GALNT13: variants seen among roughly 807,000 people sequenced by gnomAD.
GALNT13 encodes polypeptide N-acetylgalactosaminyltransferase 13.
A neutral mutation model predicts 64.2 loss-of-function variants in GALNT13; 28 were observed. The ratio of observed to expected loss-of-function variants is 0.44; its 90% confidence interval spans 0.32 to 0.60. The LOEUF is 0.60. Ranked by LOEUF, GALNT13 falls within the 20% of genes least tolerant of loss-of-function variation. The probability of loss-of-function intolerance (pLI) is 0.05; values close to 1 mark genes in which losing one functional copy is unlikely to be tolerated. For synonymous variants in GALNT13, 214 were observed against 224.6 expected, an observed-to-expected ratio of 0.95 and a Z score of 0.42; for missense variants, 577 against 669.8, an observed-to-expected ratio of 0.86 and a Z score of 1.53.
chr2:153,523,137 C>G, the GALNT13 span, among the ~76,000 whole-genome samples: 1 of 137,548 alleles, frequency 7.3e-6, no homozygotes, highest in African/African-American at 2.8e-5. Context: ...GTTGGCTTTG[C>G]TCCTTTGTCA....
intron 11 of GALNT13, among the ~76,000 whole-genome samples, chr2:154,417,478 C>A (rs1474204956): frequency 2.3e-5 from 2 of 87,260 alleles, no homozygotes; most frequent in Admixed American, 1.3e-4. Context: ...TTTGCCATGA[C>A]CTTGCCATGC....
the GALNT13 span, among the ~76,000 whole-genome samples, chr2:153,123,571 C>A: frequency 6.6e-6 from 1 of 152,116 alleles, no homozygotes; most frequent in East Asian, 1.9e-4. Flanking sequence ...ACTTTTGAGA[C>A]AGGAATAAAC....
the GALNT13 span, among the ~76,000 whole-genome samples, chr2:153,362,473 C>T: frequency 1.5e-4 from 21 of 142,752 alleles, no homozygotes; most frequent in South Asian, 4.7e-4. Context: ...GTACTATTTT[C>T]GGGAGACACA....
At chr2:153,707,849 G>T in the GALNT13 span, among the ~76,000 whole-genome samples, 40 of 152,110 alleles carry the variant, frequency 2.6e-4, no homozygotes, top group Admixed American at 2.6e-3. Context: ...ATCACACTGA[G>T]GTTATTGATC....
intron 8 of GALNT13, among the ~76,000 whole-genome samples, chr2:154,299,948 T>C (rs553384822): frequency 6.6e-6 from 1 of 152,088 alleles, no homozygotes; most frequent in South Asian, 2.1e-4. Context: ...CCATTATTGA[T>C]TATTATGACT....
the GALNT13 span, among the ~76,000 whole-genome samples, chr2:153,302,945 T>C: frequency 2.0e-5 from 3 of 152,340 alleles, no homozygotes; most frequent in Admixed American, 2.0e-4. Flanking sequence ...TTGATTACTA[T>C]AGCTTTGTAG....
chr2:153,802,749 T>C, the GALNT13 span, among the ~76,000 whole-genome samples: 1 of 152,236 alleles, frequency 6.6e-6, no homozygotes, highest in Non-Finnish European at 1.5e-5. Flanking sequence ...CAAATTTGTA[T>C]TCCAAGGCAA....
chr2:153,594,351 T>C, the GALNT13 span, among the ~76,000 whole-genome samples: 4 of 152,158 alleles, frequency 2.6e-5, no homozygotes, highest in Non-Finnish European at 5.9e-5. Flanking sequence ...TTATCATTTA[T>C]ATAACATTTG....
the GALNT13 span, among the ~76,000 whole-genome samples, chr2:153,218,897 G>C: frequency 6.6e-6 from 1 of 152,004 alleles, no homozygotes. Flanking sequence ...TGTGACCCTA[G>C]TTCTCTGATT....
chr2:153,201,190 A>G, the GALNT13 span, among the ~76,000 whole-genome samples: 27,231 of 152,168 alleles, frequency 0.18, 2,534 homozygotes, highest in Non-Finnish European at 0.19. Flanking sequence ...TATTGTTCTC[A>G]GCAGAGTTTT....
intron 2 of GALNT13, among the ~76,000 whole-genome samples, chr2:153,931,446 G>C (rs1006664318): frequency 1.2e-4 from 18 of 151,858 alleles, no homozygotes; most frequent in Admixed American, 1.1e-3. Context: ...AACGTTTCCA[G>C]CTTTTGCCTA....
the GALNT13 span, among the ~76,000 whole-genome samples, chr2:153,441,298 T>C: frequency 3.2e-3 from 489 of 152,300 alleles, no homozygotes; most frequent in African/African-American, 0.011. Flanking sequence ...TTATGTTCCA[T>C]TGGTCTATAT....
the GALNT13 span, among the ~76,000 whole-genome samples, chr2:153,691,028 T>C: frequency 2.6e-5 from 4 of 152,116 alleles, no homozygotes; most frequent in Admixed American, 2.6e-4. Flanking sequence ...CTTACTGCAC[T>C]TGTAAACCAG....
the GALNT13 span, among the ~76,000 whole-genome samples, chr2:153,457,229 T>C: frequency 1.3e-5 from 2 of 152,200 alleles, no homozygotes; most frequent in Non-Finnish European, 2.9e-5. Context: ...GTGTTTTATG[T>C]GGAGGTAATT....
chr2:154,363,087 A>T (rs1434623119), intron 9 of GALNT13, among the ~76,000 whole-genome samples: 1 of 152,022 alleles, frequency 6.6e-6, no homozygotes, highest in Non-Finnish European at 1.5e-5. Context: ...TTCTCACCTG[A>T]TTCTACTGAT....
At chr2:154,282,018 CAG>C (rs1319840894) in intron 8 of GALNT13, among the ~76,000 whole-genome samples, 7 of 152,082 alleles carry the variant, frequency 4.6e-5, no homozygotes, top group Non-Finnish European at 8.8e-5. Context: ...TAAATTAAGA[CAG>C]AAAGTACTTG....
intron 7 of GALNT13, among the ~76,000 whole-genome samples, chr2:154,253,778 T>C (rs1690217702): frequency 6.6e-6 from 1 of 152,224 alleles, no homozygotes; most frequent in Non-Finnish European, 1.5e-5. Flanking sequence ...ATTTCAGAAA[T>C]AAAATTGCAG....
rs113951459 is a variant in GALNT13, at chr2:154,116,915, G to A, written c.143-23422G>A. On this transcript the variant is annotated intron_variant, in intron 3 of 12. Transcript: ENST00000392825. Reference sequence around the variant, plus strand: ...GATAGTTAGATAGATATAAAGGGGAGTTTATTACGTATTCACTCACACACT... The same window carrying A: ...GATAGTTAGATAGATATAAAGGGGAATTTATTACGTATTCACTCACACACT... Among the ~76,000 whole-genome samples, 9 of 152,256 alleles carry A rather than the reference G, an allele frequency of 5.9e-5. 1 individual carries two copies. The highest frequency in any genetic ancestry group is 2.2e-4 in the African/African-American group (9 of 41,544).
At chr2:153,614,883 A>G in the GALNT13 span, among the ~76,000 whole-genome samples, 1 of 152,132 alleles carries the variant, frequency 6.6e-6, no homozygotes, top group South Asian at 2.1e-4. Flanking sequence ...AGTTAGAAAC[A>G]ATCCAATTAC....
Sources: gnomAD v4.1 joint callset for allele counts (sites outside exome capture counted in the v4.1 genomes callset) on GRCh38, gnomAD v4.1.1 for gene constraint, MANE v1.5 for transcripts, NCBI Gene and HGNC (gene_info 2026-07-23, HGNC 2026-07-21) for gene names.